Variants in ROBO2 observed in about 807,000 individuals in gnomAD.
ROBO2 encodes roundabout guidance receptor 2, also known as roundabout homolog 2.
A neutral mutation model predicts 160.8 loss-of-function variants in ROBO2; 53 were observed. The observed-to-expected ratio is 0.33, with a 90% CI of 0.26 to 0.41. ROBO2 has a LOEUF of 0.41. Among genes scored for constraint, ROBO2 ranks in the 10% least tolerant of loss-of-function variants. The pLI is 1.00. For missense variants in ROBO2, 1,577 were observed against 1,722.4 expected (o/e 0.92, Z 1.49); for synonymous variants, 664 against 611.7 (o/e 1.09, Z -1.26).
chr3:76,728,032 A>T (rs2093580130), intron 2 of ROBO2, among the ~76,000 whole-genome samples: 1 of 152,156 alleles, frequency 6.6e-6, no homozygotes, highest in African/African-American at 2.4e-5. Flanking sequence ...ATGTACAAAT[A>T]TTTTGTATTA....
intron 16 of ROBO2, among the ~76,000 whole-genome samples, chr3:77,581,617 C>A (rs1387115603): frequency 6.6e-6 from 1 of 152,220 alleles, no homozygotes; most frequent in African/African-American, 2.4e-5. Flanking sequence ...TCCCCTGAGG[C>A]CAGAGCCTCA....
intron 2 of ROBO2, among the ~76,000 whole-genome samples, chr3:76,496,471 T>C (rs1468951995): frequency 3.9e-5 from 6 of 152,152 alleles, no homozygotes; most frequent in Non-Finnish European, 7.4e-5. Flanking sequence ...CCCTGGAAAA[T>C]TTCATATGTT....
intron 2 of ROBO2, among the ~76,000 whole-genome samples, chr3:76,715,461 C>G (rs932289521): frequency 5.3e-5 from 8 of 152,138 alleles, no homozygotes; most frequent in African/African-American, 1.9e-4. Context: ...CAGTCTAGCT[C>G]AGTAGCAGAG....
intron 2 of ROBO2, among the ~76,000 whole-genome samples, chr3:76,594,829 G>C (rs551978612): frequency 1.6e-4 from 24 of 152,152 alleles, no homozygotes; most frequent in African/African-American, 5.8e-4. Flanking sequence ...TACTTGTGTA[G>C]CATTACAGCT....
intron 2 of ROBO2, among the ~76,000 whole-genome samples, chr3:76,090,907 T>C (rs1363069438): frequency 2.0e-5 from 3 of 152,152 alleles, no homozygotes; most frequent in African/African-American, 7.2e-5. Flanking sequence ...GCGAACAAAC[T>C]AAGTTAATTT....
intron 2 of ROBO2, among the ~76,000 whole-genome samples, chr3:76,050,153 A>G (rs1395498082): frequency 6.6e-6 from 1 of 152,144 alleles, no homozygotes; most frequent in Non-Finnish European, 1.5e-5. Flanking sequence ...ACCACCCTCA[A>G]TCTGGGTGGG....
At chr3:76,574,580 C>T (rs1446684338) in intron 2 of ROBO2, among the ~76,000 whole-genome samples, 3 of 152,100 alleles carry the variant, frequency 2.0e-5, no homozygotes, top group Admixed American at 2.0e-4. Context: ...TGGTAAATCA[C>T]ATATCTTATG....
Position 77,301,222 on chromosome 3 carries a change from G to T in ROBO2, c.389-176192G>T, listed in dbSNP as rs539170441. 2.8e-4 allele frequency among the ~76,000 whole-genome samples: 42 copies of T among 152,044 alleles called. No homozygotes were observed. The South Asian group carries it at 8.7e-3, about 32-fold the overall frequency. Reference sequence around the variant, plus strand: ...TATATTACTGATTTTAAAAAATAAAGATTTCTAAGATGATTTTATTCAGGC... The same window carrying T: ...TATATTACTGATTTTAAAAAATAAATATTTCTAAGATGATTTTATTCAGGC... On this transcript the variant is annotated intron_variant, in intron 2 of 25. Coordinates refer to ENST00000461745, the Ensembl canonical transcript of ROBO2.
chr3:76,411,836 C>T (rs931760158), intron 2 of ROBO2, among the ~76,000 whole-genome samples: 1 of 152,102 alleles, frequency 6.6e-6, no homozygotes, highest in Non-Finnish European at 1.5e-5. Flanking sequence ...GTGAATGGGA[C>T]AGAAGATTAT....
At chr3:76,423,353 A>C (rs531212779) in intron 2 of ROBO2, among the ~76,000 whole-genome samples, 1 of 152,292 alleles carries the variant, frequency 6.6e-6, no homozygotes, top group African/African-American at 2.4e-5. Flanking sequence ...GTTTTCCTCC[A>C]GGGGCACTCA....
chr3:77,063,214 G>A (rs1479154253), intron 1 of ROBO2, among the ~76,000 whole-genome samples: 2 of 152,202 alleles, frequency 1.3e-5, no homozygotes, highest in African/African-American at 2.4e-5. Flanking sequence ...GTTTCGCCAA[G>A]GGCTATGCCC....
intron 2 of ROBO2, among the ~76,000 whole-genome samples, chr3:76,291,270 T>C (rs1008227312): frequency 6.6e-6 from 1 of 152,154 alleles, no homozygotes; most frequent in African/African-American, 2.4e-5. Flanking sequence ...TCATTGAATT[T>C]TGGGAGCTTG....
At chr3:76,482,740 T>A (rs2079279631) in intron 2 of ROBO2, among the ~76,000 whole-genome samples, 1 of 152,162 alleles carries the variant, frequency 6.6e-6, no homozygotes, top group African/African-American at 2.4e-5. Context: ...TGATCTATTA[T>A]CCAAGGAATT....
chr3:76,716,546 T>C (rs916073271), intron 2 of ROBO2, among the ~76,000 whole-genome samples: 5 of 152,040 alleles, frequency 3.3e-5, no homozygotes, highest in Admixed American at 1.3e-4. Flanking sequence ...TCTAGATTGT[T>C]ATATATATCA....
chr3:77,266,974 TCCAA>T (rs1223470524), intron 2 of ROBO2, among the ~76,000 whole-genome samples: 1 of 152,172 alleles, frequency 6.6e-6, no homozygotes, highest in Non-Finnish European at 1.5e-5. Flanking sequence ...GATGAGCTGT[TCCAA>T]TATTTATTTC....
chr3:76,947,928 C>A (rs2078673016), intron 2 of ROBO2, among the ~76,000 whole-genome samples: 1 of 152,022 alleles, frequency 6.6e-6, no homozygotes, highest in Non-Finnish European at 1.5e-5. Context: ...TTTTATTTTC[C>A]CACGTTTTTC....
intron 2 of ROBO2, among the ~76,000 whole-genome samples, chr3:76,932,303 T>G (rs2149060501): frequency 6.6e-6 from 1 of 152,262 alleles, no homozygotes; most frequent in East Asian, 1.9e-4. Context: ...CTCTTCAAAC[T>G]AATTTAAAAA....
At chr3:77,038,877 G>T (rs1180338769), upstream of ROBO2, among the ~76,000 whole-genome samples, 1 of 152,188 alleles carries the variant, frequency 6.6e-6, no homozygotes, top group African/African-American at 2.4e-5. Context: ...GCTCAGCTGG[G>T]CTTTCGGCTT....
chr3:77,005,413 T>C (rs908249037), intron 2 of ROBO2, among the ~76,000 whole-genome samples: 2 of 152,210 alleles, frequency 1.3e-5, no homozygotes, highest in Admixed American at 1.3e-4. Flanking sequence ...ATATTTGTTG[T>C]TCAATATGTT....
Sources: allele counts gnomAD v4.1 joint callset (sites outside exome capture counted in the v4.1 genomes callset), GRCh38; gene constraint gnomAD v4.1.1; transcripts MANE v1.5; gene names NCBI Gene and HGNC (gene_info 2026-07-23, HGNC 2026-07-21).